The following ARHGAP31 variants were observed in gnomAD, a reference collection of about 807,000 sequenced individuals.
ARHGAP31 encodes Rho GTPase activating protein 31.
Under a neutral mutation model 113.9 loss-of-function variants are expected in ARHGAP31, and 34 were observed. The observed-to-expected ratio is 0.30, with a 90% CI of 0.23 to 0.40. The LOEUF (loss-of-function observed/expected upper bound fraction) is 0.40. Ranked by LOEUF, ARHGAP31 falls within the 10% of genes least tolerant of loss-of-function variation. ARHGAP31 has a pLI of 1.00. For missense variants in ARHGAP31, 1,548 were observed against 1,767.1 expected, an observed-to-expected ratio of 0.88 and a Z score of 2.22; for synonymous variants, 650 against 684.8, an observed-to-expected ratio of 0.95 and a Z score of 0.79.
At position 119,359,446 on chromosome 3, in the gene ARHGAP31, G is replaced by GT. The variant is rs201107704; in HGVS notation, c.101-5859dup. ...TAGAAAATTAGAAAGTGGTTCATTT[G>GT]TTTTTTTTTTTAAAGAACAGAACAC... On this transcript the variant is annotated intron_variant, in intron 1 of 11. Coordinates refer to ENST00000264245, the MANE Select transcript of ARHGAP31 (RefSeq NM_020754.4). Among the ~76,000 whole-genome samples the GT allele has an allele frequency of 2.0e-3, 284 of 145,308 alleles. 2 individuals are homozygous for GT. The highest frequency in any genetic ancestry group is 0.014 in the East Asian group (70 of 5,040).
chr3:119,350,531 G>A (rs1473734508), intron 1 of ARHGAP31, among the ~76,000 whole-genome samples: 5 of 152,168 alleles, frequency 3.3e-5, no homozygotes, highest in Non-Finnish European at 7.3e-5. Context: ...CTACAGCCTG[G>A]GAAACCAGAG....
rs539954944 is a variant in ARHGAP31, at chr3:119,379,627, A to G, written c.349-1277A>G. On this transcript the variant is annotated intron_variant, in intron 3 of 11. Coordinates refer to ENST00000264245, the MANE Select transcript of ARHGAP31 (RefSeq NM_020754.4). Reference sequence around the variant, plus strand: ...ATATTCCATAATTGTACCTTTCATTATGTATCAATCTAAAGCAAGTTTCCA... The same window carrying G: ...ATATTCCATAATTGTACCTTTCATTGTGTATCAATCTAAAGCAAGTTTCCA... 3.3e-5 allele frequency among the ~76,000 whole-genome samples: 5 copies of G among 152,308 alleles called. No individual in the cohort carries two copies. The South Asian group carries it at 1.0e-3, about 32-fold the overall frequency.
chr3:119,357,017 A>G (rs1428528248), intron 1 of ARHGAP31, among the ~76,000 whole-genome samples: 1 of 152,230 alleles, frequency 6.6e-6, no homozygotes, highest in African/African-American at 2.4e-5. Context: ...GTTGCAGTGC[A>G]TGAGAGTACT....
At chr3:119,297,614 G>A (rs1455096177) in intron 1 of ARHGAP31, among the ~76,000 whole-genome samples, 1 of 152,246 alleles carries the variant, frequency 6.6e-6, no homozygotes, top group Non-Finnish European at 1.5e-5. Context: ...AAAGCCTTGA[G>A]TTGGAGTGGA....
chr3:119,370,225 A>G lies in ARHGAP31; in HGVS notation c.348+1709A>G, dbSNP rs1577015865. Reference sequence around the variant, plus strand: ...TGTGAGCTTCATGTGGGTCTGTCAGATTATAATCACTTTCACCATATGTAA... The same window carrying G: ...TGTGAGCTTCATGTGGGTCTGTCAGGTTATAATCACTTTCACCATATGTAA... On this transcript the variant is annotated intron_variant, in intron 3 of 11. Coordinates refer to ENST00000264245, the MANE Select transcript of ARHGAP31 (RefSeq NM_020754.4). Among the ~76,000 whole-genome samples the G allele has an allele frequency of 2.6e-5, 4 of 152,346 alleles. No individual in the cohort carries two copies. The South Asian group carries it at 8.3e-4, about 32-fold the overall frequency.
rs201519258 is a variant in ARHGAP31 at position 119,414,743 on chromosome 3, G to T, written c.2814G>T (p.Gln938His). ...AGGTACAGGGCCTTCAGGGTCACCA[G>T]TTGGAGAAGAGGCTTTCCCACAGGC... ...KAQVQGLQGHQLEKRLSHRPS... is the reference protein window; with the variant it reads ...KAQVQGLQGHHLEKRLSHRPS... The change falls in exon 12 of 12, where the codon CAG (glutamine) becomes CAT (histidine). Residue 938 changes from glutamine to histidine, a missense_variant. Gln to His is a conservative substitution (Grantham distance 24, BLOSUM62 0). Transcript: ENST00000264245. 2.1e-3 allele frequency: 3,459 copies of T among 1,614,210 alleles called. 9 individuals are homozygous for T. The highest frequency in any genetic ancestry group is 2.7e-3 in the Non-Finnish European group (3,193 of 1,180,012).
chr3:119,295,663 A>T (rs1038808657), intron 1 of ARHGAP31, among the ~76,000 whole-genome samples: 1 of 149,000 alleles, frequency 6.7e-6, no homozygotes, highest in Non-Finnish European at 1.5e-5. Flanking sequence ...AGACAAGAAG[A>T]GTGTTGTAAA....
rs529687313 is a variant in ARHGAP31, at chr3:119,374,521, C to T, written c.348+6005C>T. On this transcript the variant is annotated intron_variant, in intron 3 of 11. Transcript: ENST00000264245. ...CTCTGTCCCCACCCAAACCTCATCT[C>T]GAATTGTAATCTCCACATGTTGAGG... Among the ~76,000 whole-genome samples, 6 of 152,260 alleles carry T rather than the reference C, an allele frequency of 3.9e-5. 1 individual carries two copies. The South Asian group carries it at 1.0e-3, about 26-fold the overall frequency.
At chr3:119,345,642 G>A (rs983257954) in intron 1 of ARHGAP31, among the ~76,000 whole-genome samples, 5 of 152,260 alleles carry the variant, frequency 3.3e-5, no homozygotes, top group Non-Finnish European at 4.4e-5. Flanking sequence ...CAAGCATAGC[G>A]TGGGTGCCAA....
chr3:119,343,690 T>C (rs79786119), intron 1 of ARHGAP31, among the ~76,000 whole-genome samples: 2,742 of 152,228 alleles, frequency 0.018, 82 homozygotes, highest in African/African-American at 0.061. Flanking sequence ...AAGACACCTA[T>C]GGGAAGGGAA....
intron 1 of ARHGAP31, chr3:119,341,684 A>G (rs912926401): frequency 1.3e-5 from 2 of 152,170 alleles, no homozygotes; most frequent in Admixed American, 6.5e-5. Flanking sequence ...CAGGGCTACT[A>G]TATATACTCT....
At chr3:119,389,133 C>G (rs2080480629) in intron 6 of ARHGAP31, among the ~76,000 whole-genome samples, 1 of 152,058 alleles carries the variant, frequency 6.6e-6, no homozygotes, top group Non-Finnish European at 1.5e-5. Context: ...TGCAGTCCAG[C>G]CTGGGCGACA....
rs1376738768 is a variant in ARHGAP31, at chr3:119,365,393, G to A, written c.178G>A (p.Val60Ile). ...IVDGIYRLSGVTSNIQRLRQE... is the reference protein window; with the variant it reads ...IVDGIYRLSGITSNIQRLRQE... The stretch of plus-strand genomic sequence containing the variant: ...GGATGGAATCTATCGGCTTTCAGGA[G>A]TCACCTCAAACATACAACGGCTAAG... Residue 60 changes from valine to isoleucine, a missense_variant, in exon 2 of 12, where the codon GTC (valine) becomes ATC (isoleucine). Val to Ile is a conservative substitution (Grantham distance 29). Coordinates refer to ENST00000264245, the MANE Select transcript of ARHGAP31 (RefSeq NM_020754.4). 6.2e-7 allele frequency: 1 copy of A among 1,614,082 alleles called. No individual in the cohort carries two copies. Among genetic ancestry groups the A allele is most frequent in the South Asian group, 1.1e-5 (1 of 91,080 alleles).
intron 10 of ARHGAP31, 78 bp from the exon 11 acceptor site, chr3:119,409,418 C>T: frequency 6.5e-7 from 1 of 1,549,266 alleles, no homozygotes; most frequent in Non-Finnish European, 8.9e-7. Flanking sequence ...GGCCAGGAGA[C>T]AGGACAGTGA....
intron 1 of ARHGAP31, among the ~76,000 whole-genome samples, chr3:119,316,934 C>G (rs973288085): frequency 6.6e-6 from 1 of 152,244 alleles, no homozygotes; most frequent in Non-Finnish European, 1.5e-5. Flanking sequence ...AACCATTTAT[C>G]CCCTATGTCC....
chr3:119,374,457 A>G (rs1032779917), intron 3 of ARHGAP31, among the ~76,000 whole-genome samples: 3 of 151,982 alleles, frequency 2.0e-5, no homozygotes, highest in African/African-American at 7.3e-5. Flanking sequence ...CCTCTTTTCT[A>G]TATAAATTAC....
chr3:119,331,092 C>T (rs1328307298), intron 1 of ARHGAP31, among the ~76,000 whole-genome samples: 2 of 152,174 alleles, frequency 1.3e-5, no homozygotes, highest in Non-Finnish European at 2.9e-5. Context: ...TCTGAAACTG[C>T]TGACATGGTT....
chr3:119,318,583 A>T (rs992929807), intron 1 of ARHGAP31, among the ~76,000 whole-genome samples: 2 of 152,194 alleles, frequency 1.3e-5, no homozygotes, highest in African/African-American at 4.8e-5. Flanking sequence ...ATTCTGTTTC[A>T]CAGAGCCTAT....
chr3:119,389,828 A>G (rs772420592), intron 6 of ARHGAP31, among the ~76,000 whole-genome samples: 3 of 152,260 alleles, frequency 2.0e-5, no homozygotes, highest in Non-Finnish European at 2.9e-5. Flanking sequence ...AAAACTAAAT[A>G]GAAGCAAACT....
Sources: gnomAD v4.1 joint callset for allele counts (sites outside exome capture counted in the v4.1 genomes callset) on GRCh38, gnomAD v4.1.1 for gene constraint, MANE v1.5 for transcripts, NCBI Gene and HGNC (gene_info 2026-07-23, HGNC 2026-07-21) for gene names.